The following AGAP1 variants were observed in gnomAD, a reference collection of about 807,000 sequenced individuals.
The protein encoded by AGAP1 is ArfGAP with GTPase domain, ankyrin repeat and PH domain 1.
In AGAP1, 29 loss-of-function variants were observed where a neutral mutation model predicts 105.3. The observed-to-expected ratio is 0.28, with a 90% CI of 0.21 to 0.38. The LOEUF is 0.38. Ranked by LOEUF, AGAP1 falls within the 10% of genes least tolerant of loss-of-function variation. The probability of loss-of-function intolerance (pLI) is 1.00; values close to 1 mark genes in which losing one functional copy is unlikely to be tolerated. For synonymous variants in AGAP1, 509 were observed against 485.9 expected, an observed-to-expected ratio of 1.05 and a Z score of -0.63; for missense variants, 998 against 1,165.1, an observed-to-expected ratio of 0.86 and a Z score of 2.09.
intron 9 of AGAP1, among the ~76,000 whole-genome samples, chr2:235,853,708 AG>A (rs2106466139): frequency 6.6e-6 from 1 of 152,300 alleles, no homozygotes; most frequent in South Asian, 2.1e-4. Flanking sequence ...TAGGGAGTAA[AG>A]TATGATAAGT....
At chr2:235,570,467 C>T (rs1944478514) in intron 1 of AGAP1, among the ~76,000 whole-genome samples, 1 of 152,220 alleles carries the variant, frequency 6.6e-6, no homozygotes, top group Non-Finnish European at 1.5e-5. Flanking sequence ...AGACTTATCA[C>T]ACAAATATGC....
intron 1 of AGAP1, among the ~76,000 whole-genome samples, chr2:235,597,609 A>G (rs1247403175): frequency 8.5e-5 from 13 of 152,228 alleles, no homozygotes; most frequent in African/African-American, 3.1e-4. Flanking sequence ...GGGTTACCCA[A>G]AAATGTGCAG....
intron 1 of AGAP1, among the ~76,000 whole-genome samples, chr2:235,589,423 T>C (rs1030704426): frequency 8.6e-5 from 13 of 151,914 alleles, no homozygotes; most frequent in Non-Finnish European, 1.5e-4. Context: ...GCCAGGCTGG[T>C]CTCGAACTCC....
At chr2:236,018,771 C>G (rs2056792348) in intron 13 of AGAP1, among the ~76,000 whole-genome samples, 1 of 152,138 alleles carries the variant, frequency 6.6e-6, no homozygotes, top group Admixed American at 6.5e-5. Flanking sequence ...CAATTCGAGC[C>G]CGTCTATGAG....
Position 235,522,568 on chromosome 2 carries a change from T to C in AGAP1, c.163+27719T>C, listed in dbSNP as rs1231096812. On this transcript the variant is annotated intron_variant, in intron 1 of 17. Transcript: ENST00000304032. ...CTCATGAGGAAGGCCAGGTTTTTGG[T>C]TGGGAGAGACTTGAGCTTGATGAGT... Among the ~76,000 whole-genome samples, 3 of 151,730 alleles carry C rather than the reference T, an allele frequency of 2.0e-5. No homozygotes were observed. The East Asian group carries it at 5.8e-4, about 29-fold the overall frequency.
chr2:235,635,148 A>G lies in AGAP1; in HGVS notation c.164-74031A>G, dbSNP rs569806592. The stretch of plus-strand genomic sequence containing the variant: ...GTACTGTGGTATAAGTAGAAAGAGC[A>G]GCTGGACTTAGAGACAGGCGTCCTG... On this transcript the variant is annotated intron_variant, in intron 1 of 17. Coordinates refer to ENST00000304032, the MANE Select transcript of AGAP1 (RefSeq NM_001037131.3). The surrounding 1 kb of genome is among the most constrained non-coding windows in gnomAD (Gnocchi z 5.3). Among the ~76,000 whole-genome samples the G allele has an allele frequency of 1.3e-5, 2 of 152,200 alleles. No individual in the cohort carries two copies. Among genetic ancestry groups the G allele is most frequent in the Admixed American group, 6.5e-5 (1 of 15,276 alleles).
At chr2:235,606,418 A>G (rs1292388080) in intron 1 of AGAP1, among the ~76,000 whole-genome samples, 1 of 152,208 alleles carries the variant, frequency 6.6e-6, no homozygotes, top group African/African-American at 2.4e-5. Flanking sequence ...GATGGCAGGA[A>G]TGAGTTACTC....
chr2:236,116,123 T>C (rs2059764641), intron 16 of AGAP1, among the ~76,000 whole-genome samples: 1 of 149,908 alleles, frequency 6.7e-6, no homozygotes, highest in Non-Finnish European at 1.5e-5. Context: ...TTTGTTTTTT[T>C]GTTTGTGAAA....
intron 1 of AGAP1, among the ~76,000 whole-genome samples, chr2:235,502,259 G>A (rs1427305631): frequency 6.6e-6 from 1 of 152,142 alleles, no homozygotes; most frequent in Non-Finnish European, 1.5e-5. Flanking sequence ...GGGAGGGAAG[G>A]AAAACAAATA....
intron 1 of AGAP1, among the ~76,000 whole-genome samples, chr2:235,541,605 G>A (rs1476969826): frequency 1.3e-5 from 2 of 151,582 alleles, no homozygotes; most frequent in African/African-American, 4.8e-5. Context: ...TAGCCAGGAT[G>A]GTCTCGATCT....
At chr2:235,778,219 AT>A (rs2149906320) in intron 6 of AGAP1, among the ~76,000 whole-genome samples, 1 of 152,246 alleles carries the variant, frequency 6.6e-6, no homozygotes, top group South Asian at 2.1e-4. Flanking sequence ...GTATTGGTTC[AT>A]GTACCTTGTA....
intron 9 of AGAP1, among the ~76,000 whole-genome samples, chr2:235,856,966 A>G (rs766214047): frequency 7.2e-5 from 11 of 152,184 alleles, no homozygotes; most frequent in East Asian, 1.9e-4. Context: ...CTGTAGGGAA[A>G]CATGAAGACA....
chr2:236,073,099 G>C lies in AGAP1; in HGVS notation c.2114+23818G>C, dbSNP rs749984649. 6.6e-6 allele frequency among the ~76,000 whole-genome samples: 1 copy of C among 151,868 alleles called. No homozygotes were observed. Among genetic ancestry groups the C allele is most frequent in the Non-Finnish European group, 1.5e-5 (1 of 67,980 alleles). The stretch of plus-strand genomic sequence containing the variant: ...CAACTTCCGCCTCCCAGATTCGAGC[G>C]ATTCTCCTGCCTTGGTCCCCCGAGT... On this transcript the variant is annotated intron_variant, in intron 16 of 17. Coordinates refer to ENST00000304032, the MANE Select transcript of AGAP1 (RefSeq NM_001037131.3). This position sits in a 1 kb window ranked among gnomAD's most constrained non-coding sequence, Gnocchi z 5.4.
In AGAP1 at chr2:236,099,248, T is replaced by C. The variant is rs544477502; in HGVS notation, c.2115-20944T>C. Among the ~76,000 whole-genome samples, 8 of 151,956 alleles carry C rather than the reference T, an allele frequency of 5.3e-5. No homozygotes were observed. The South Asian group carries it at 1.5e-3, about 28-fold the overall frequency. The stretch of plus-strand genomic sequence containing the variant: ...GAGGCGGATCATGAGGTCAGGAGAT[T>C]GAGACTATCCTGACTAACAGGGTGA... On this transcript the variant is annotated intron_variant, in intron 16 of 17. Coordinates refer to ENST00000304032, the MANE Select transcript of AGAP1 (RefSeq NM_001037131.3).
rs921708078 is a variant in AGAP1, at chr2:235,752,599, A to G, written c.673+2111A>G. Among the ~76,000 whole-genome samples, 6 of 152,048 alleles carry G rather than the reference A, an allele frequency of 3.9e-5. No individual in the cohort carries two copies. Among genetic ancestry groups the G allele is most frequent in the Non-Finnish European group, 8.8e-5 (6 of 68,018 alleles). On this transcript the variant is annotated intron_variant, in intron 6 of 17. Coordinates refer to ENST00000304032, the MANE Select transcript of AGAP1 (RefSeq NM_001037131.3). This position sits in a 1 kb window ranked among gnomAD's most constrained non-coding sequence, Gnocchi z 4.3. ...CTTTGCGGCCTGAGAAGCCCAGAATATTCACTCTCTGGCCCCGTGCAGAGA... is the reference window on the plus strand; with the variant it reads ...CTTTGCGGCCTGAGAAGCCCAGAATGTTCACTCTCTGGCCCCGTGCAGAGA...
At position 236,046,580 on chromosome 2, in the gene AGAP1, A is replaced by G. The variant is rs1230107822; in HGVS notation, c.1892-2479A>G. 6.6e-6 allele frequency among the ~76,000 whole-genome samples: 1 copy of G among 152,148 alleles called. No homozygotes were observed. The highest frequency in any genetic ancestry group is 2.4e-5 in the African/African-American group (1 of 41,428). ...GCAGAAGAATGCATTTGCAGAGTGG[A>G]TGTTGACTAGGAGATTCTCCCAACT... On this transcript the variant is annotated intron_variant, in intron 15 of 17. Coordinates refer to ENST00000304032, the MANE Select transcript of AGAP1 (RefSeq NM_001037131.3). This position sits in a 1 kb window ranked among gnomAD's most constrained non-coding sequence, Gnocchi z 5.2.
Position 235,908,705 on chromosome 2 carries a change from T to G in AGAP1, c.1156-33T>G, listed in dbSNP as rs904670330. 6.5e-7 allele frequency: 1 copy of G among 1,534,262 alleles called. No individual in the cohort carries two copies. Among genetic ancestry groups the G allele is most frequent in the Non-Finnish European group, 8.8e-7 (1 of 1,139,996 alleles). Reference sequence around the variant, plus strand: ...GTTGTAAAAGGTCTTTTTTTTTTTTTTATCTCTCTTGGATGTTTAACATTT... The same window carrying G: ...GTTGTAAAAGGTCTTTTTTTTTTTTGTATCTCTCTTGGATGTTTAACATTT... On this transcript the variant is annotated intron_variant, in intron 10 of 17. Coordinates refer to ENST00000304032, the MANE Select transcript of AGAP1 (RefSeq NM_001037131.3). This position sits in a 1 kb window ranked among gnomAD's most constrained non-coding sequence, Gnocchi z 4.4.
Position 236,040,680 on chromosome 2 carries a change from T to A in AGAP1, c.1801-71T>A. 1.4e-6 allele frequency: 2 copies of A among 1,442,722 alleles called. No homozygotes were observed. Among genetic ancestry groups the A allele is most frequent in the Non-Finnish European group, 1.9e-6 (2 of 1,031,950 alleles). The allele number at this position is 1,442,722 out of a possible 1,614,324, so 89.4% of individuals were successfully genotyped here. A position where few individuals can be genotyped will look rare whatever the true frequency, so the allele number is the denominator to read the frequency against. On this transcript the variant is annotated intron_variant, in intron 14 of 17. Transcript: ENST00000304032. This position sits in a 1 kb window ranked among gnomAD's most constrained non-coding sequence, Gnocchi z 5.6. ...GCTCCCAATCTGTTTGATCTTTCCC[T>A]GATGTTATCAGTGATGTGCGTTTCT...
intron 12 of AGAP1, among the ~76,000 whole-genome samples, chr2:235,937,355 A>G (rs535018597): frequency 3.9e-5 from 6 of 152,002 alleles, no homozygotes; most frequent in Non-Finnish European, 8.8e-5. Context: ...AACTGGACAC[A>G]GGGGGTGAAA....
Sources: allele counts gnomAD v4.1 joint callset (sites outside exome capture counted in the v4.1 genomes callset), GRCh38; gene constraint gnomAD v4.1.1; non-coding constraint Gnocchi (gnomAD v3.1); transcripts MANE v1.5; gene names NCBI Gene and HGNC (gene_info 2026-07-23, HGNC 2026-07-21).